Variants in ANKRD30B observed in about 807,000 individuals in gnomAD.
ANKRD30B encodes ankyrin repeat domain 30B.
In ANKRD30B, 144 loss-of-function variants were observed where a neutral mutation model predicts 202.2. The ratio of observed to expected loss-of-function variants is 0.71; its 90% confidence interval spans 0.62 to 0.82. The LOEUF (loss-of-function observed/expected upper bound fraction) is 0.82. Ranked by LOEUF, ANKRD30B falls within the 40% of genes least tolerant of loss-of-function variation. The pLI is 0.00. For missense variants in ANKRD30B, 1,487 were observed against 1,669.1 expected, an observed-to-expected ratio of 0.89 and a Z score of 1.90; for synonymous variants, 508 against 561.3, an observed-to-expected ratio of 0.91 and a Z score of 1.34.
rs150365994 is a variant in ANKRD30B, at chr18:14,774,953, C to G, written c.1329+2725C>G. ...CCATCCTGGCTAACAAGGTGAAACC[C>G]CATCTCTACTAAAAACACAACAAAG... On this transcript the variant is annotated intron_variant, in intron 9 of 43. Coordinates refer to ENST00000690538, the MANE Select transcript of ANKRD30B (RefSeq NM_001367607.2). Among the ~76,000 whole-genome samples, 1,161 of 152,164 alleles carry G rather than the reference C, an allele frequency of 7.6e-3. 18 individuals carry two copies. The highest frequency in any genetic ancestry group is 0.027 in the African/African-American group (1,108 of 41,516).
intron 32 of ANKRD30B, among the ~76,000 whole-genome samples, chr18:14,827,490 T>C (rs1391745132): frequency 6.6e-6 from 1 of 152,132 alleles, no homozygotes. Context: ...ATAGACAGGG[T>C]TGGAATTAAA....
intron 30 of ANKRD30B, among the ~76,000 whole-genome samples, chr18:14,817,597 G>T (rs1041368403): frequency 5.3e-5 from 8 of 152,108 alleles, no homozygotes; most frequent in African/African-American, 1.9e-4. Context: ...GTCAAAGCCA[G>T]CTATTTTCTT....
chr18:14,911,018 A>T, the ANKRD30B span, among the ~76,000 whole-genome samples: 1 of 151,598 alleles, frequency 6.6e-6, no homozygotes, highest in African/African-American at 2.4e-5. Flanking sequence ...TAGATTCTGG[A>T]TATTGGCCCT....
At chr18:14,865,117 C>A in the ANKRD30B span, among the ~76,000 whole-genome samples, 1 of 151,792 alleles carries the variant, frequency 6.6e-6, no homozygotes, top group Non-Finnish European at 1.5e-5. Context: ...ACCCTCTTCT[C>A]CCCCTCCATC....
At chr18:14,807,756 T>G (rs1171677426) in intron 24 of ANKRD30B, among the ~76,000 whole-genome samples, 3 of 150,606 alleles carry the variant, frequency 2.0e-5, no homozygotes, top group Non-Finnish European at 4.4e-5. Flanking sequence ...GCTTTGGAAC[T>G]CCTGGCCTTG....
intron 7 of ANKRD30B, among the ~76,000 whole-genome samples, chr18:14,767,620 A>G (rs972551367): frequency 3.3e-5 from 5 of 152,190 alleles, no homozygotes; most frequent in Non-Finnish European, 7.3e-5. Flanking sequence ...ATCTGACTAC[A>G]TATCAGAAGG....
chr18:14,819,224 G>A (rs1789939897), intron 30 of ANKRD30B, among the ~76,000 whole-genome samples: 1 of 148,074 alleles, frequency 6.8e-6, no homozygotes, highest in Non-Finnish European at 1.5e-5. Context: ...TTTTTTTCTT[G>A]TAAATTTGTT....
the ANKRD30B span, among the ~76,000 whole-genome samples, chr18:14,923,020 C>T: frequency 6.6e-6 from 1 of 152,200 alleles, no homozygotes; most frequent in Non-Finnish European, 1.5e-5. Context: ...AGGAAAAAAC[C>T]TGCTGCCTTG....
chr18:14,776,225 C>T (rs1967341990), intron 9 of ANKRD30B, among the ~76,000 whole-genome samples: 1 of 152,084 alleles, frequency 6.6e-6, no homozygotes, highest in Admixed American at 6.6e-5. Context: ...TTTCTGAGTA[C>T]CAACTGTGTG....
At chr18:14,909,412 TTTG>T in the ANKRD30B span, among the ~76,000 whole-genome samples, 6 of 152,208 alleles carry the variant, frequency 3.9e-5, no homozygotes, top group Middle Eastern at 3.4e-3. Flanking sequence ...GAAGGCGCTA[TTTG>T]TTGTTGTTGT....
chr18:14,938,936 A>C, the ANKRD30B span, among the ~76,000 whole-genome samples: 1 of 152,218 alleles, frequency 6.6e-6, no homozygotes, highest in South Asian at 2.1e-4. Flanking sequence ...GAGAAGATCA[A>C]CAACAGGAGA....
At chr18:14,926,104 C>T in the ANKRD30B span, among the ~76,000 whole-genome samples, 1 of 152,176 alleles carries the variant, frequency 6.6e-6, no homozygotes, top group African/African-American at 2.4e-5. Flanking sequence ...GTTAGCCCAA[C>T]ACGGCAGCGA....
At chr18:14,866,670 G>A in the ANKRD30B span, among the ~76,000 whole-genome samples, 11 of 152,152 alleles carry the variant, frequency 7.2e-5, no homozygotes, top group African/African-American at 1.2e-4. Flanking sequence ...TGCACTGCCC[G>A]CTTGTGGGGT....
At chr18:14,796,155 T>A (rs1180998713) in intron 16 of ANKRD30B, 66 bp from the exon 17 acceptor site, 1 of 1,438,148 alleles carries the variant, frequency 7.0e-7, no homozygotes, top group Non-Finnish European at 9.8e-7. Flanking sequence ...ATTCACATTG[T>A]ACGAATGCTT....
At chr18:14,797,753 T>C in intron 19 of ANKRD30B, 29 bp from the exon 20 acceptor site, 5 of 1,593,172 alleles carry the variant, frequency 3.1e-6, no homozygotes, top group Non-Finnish European at 4.3e-6. Flanking sequence ...ACATTATATA[T>C]TAATTTTTGT....
chr18:14,781,499 G>A (rs1189036467), intron 11 of ANKRD30B, among the ~76,000 whole-genome samples: 4 of 152,082 alleles, frequency 2.6e-5, no homozygotes, highest in Non-Finnish European at 4.4e-5. Flanking sequence ...GGATTTCACC[G>A]TGTTAGCCAG....
At chr18:14,826,693 T>TCTCACACACA (rs762792279) in intron 32 of ANKRD30B, among the ~76,000 whole-genome samples, 7,248 of 124,816 alleles carry the variant, frequency 0.058, 228 homozygotes, top group Middle Eastern at 0.1. Context: ...TCTCTCTCTC[T>TCTCACACACA]CACACACACA....
At chr18:14,758,549 T>C (rs1406045582) in intron 5 of ANKRD30B, among the ~76,000 whole-genome samples, 3 of 152,144 alleles carry the variant, frequency 2.0e-5, no homozygotes, top group East Asian at 3.9e-4. Flanking sequence ...GTCATTACAG[T>C]TTTTTAAAGT....
intron 7 of ANKRD30B, among the ~76,000 whole-genome samples, chr18:14,767,046 G>T (rs1916347902): frequency 1.3e-5 from 2 of 152,160 alleles, no homozygotes; most frequent in African/African-American, 4.8e-5. Context: ...CTAACTTTTT[G>T]TAACTGAAGC....
Sources: gnomAD v4.1 joint callset for allele counts (sites outside exome capture counted in the v4.1 genomes callset) on GRCh38, gnomAD v4.1.1 for gene constraint, MANE v1.5 for transcripts, NCBI Gene and HGNC (gene_info 2026-07-23, HGNC 2026-07-21) for gene names.